Variants in PLCXD1 observed in about 807,000 individuals in gnomAD.
PLCXD1 encodes the protein PI-PLC X domain-containing protein 1.
A neutral mutation model predicts 37.8 loss-of-function variants in PLCXD1; 45 were observed. The ratio of observed to expected loss-of-function variants is 1.19; its 90% CI spans 0.94 to 1.53. The LOEUF is 1.53. Ranked by LOEUF, PLCXD1 falls within the 40% of genes most tolerant of loss-of-function variation. PLCXD1 has a pLI of 0.00. For missense variants in PLCXD1, 539 were observed against 454.7 expected, an observed-to-expected ratio of 1.19 and a Z score of -1.69; for synonymous variants, 246 against 206.9, an observed-to-expected ratio of 1.19 and a Z score of -1.62.
intron 6 of PLCXD1, among the ~76,000 whole-genome samples, chrX:295,396 T>A (rs2069771570): frequency 2.0e-5 from 3 of 152,088 alleles, no homozygotes; most frequent in South Asian, 2.1e-4. Context: ...CAAGGTGATC[T>A]TCACGGCCGC....
intron 2 of PLCXD1, 114 bp downstream of exon 2, chrX:284,428 T>A: frequency 8.4e-7 from 1 of 1,195,290 alleles, no homozygotes; most frequent in Non-Finnish European, 1.2e-6. Context: ...GGAGCAATCC[T>A]GGGTGTAGGG....
rs145415401 is a variant in PLCXD1, at chrX:299,143, C to T, written c.780C>T (p.Tyr260=). The T allele has an allele frequency of 1.7e-5, 28 of 1,613,890 alleles. No individual in the cohort carries two copies. Among genetic ancestry groups the T allele is most frequent in the Middle Eastern group, 3.3e-4 (2 of 6,056 alleles). ...TCAACCTCACGGAGAACCTGCAGTA[C>T]GTTCTGGCGCACCCGTCCGAGTCCC... ...AGINLTENLQ[Y]VLAHPSESLE... The change falls in exon 7 of 7, where the codon TAC becomes TAT. Residue 260 remains tyrosine (Y), a synonymous_variant. Transcript: ENST00000381657.
At chrX:282,529 A>AC in intron 1 of PLCXD1, among the ~76,000 whole-genome samples, 1 of 150,854 alleles carries the variant, frequency 6.6e-6, no homozygotes, top group East Asian at 2.0e-4. Context: ...AGATAGTGAA[A>AC]CCCCGTCTCT....
In PLCXD1 at chrX:302,489, G is replaced by T. The variant is rs2070048817; in HGVS notation, c.*3154G>T. The T allele has an allele frequency of 6.6e-6, 1 of 152,216 alleles. No individual in the cohort carries two copies. Among genetic ancestry groups the T allele is most frequent in the African/African-American group, 2.4e-5 (1 of 41,430 alleles). The allele number at this position is 152,216 out of a possible 1,614,324, so 9.4% of individuals were successfully genotyped here. On this transcript the variant is annotated 3_prime_UTR_variant, in exon 7 of 7. Coordinates refer to ENST00000381657, the MANE Select transcript of PLCXD1 (RefSeq NM_018390.4). ...GCTCACTGCAACCTCTGCCTCCCGG[G>T]TTCAAGTGATTCTCCTGCCTCAGCC...
At chrX:294,966 A>G (rs1174040494) in intron 6 of PLCXD1, among the ~76,000 whole-genome samples, 1 of 152,084 alleles carries the variant, frequency 6.6e-6, no homozygotes, top group Non-Finnish European at 1.5e-5. Context: ...AATTGAGATC[A>G]GGAGTTTGCG....
intron 6 of PLCXD1, among the ~76,000 whole-genome samples, chrX:295,361 C>A (rs2069770424): frequency 6.6e-6 from 1 of 151,914 alleles, no homozygotes; most frequent in Non-Finnish European, 1.5e-5. Flanking sequence ...CCGTCTCGGT[C>A]CTGCAGCCTG....
upstream of PLCXD1, among the ~76,000 whole-genome samples, chrX:280,018 T>A (rs2069229135): frequency 6.6e-6 from 1 of 152,038 alleles, no homozygotes; most frequent in Non-Finnish European, 1.5e-5. Context: ...CTAAATGATT[T>A]TTGTATTTTT....
chrX:291,563 G>C lies in PLCXD1; in HGVS notation c.458G>C (p.Cys153Ser). 3 of 1,613,134 alleles carry C rather than the reference G, an allele frequency of 1.9e-6. No individual in the cohort carries two copies. The highest frequency in any genetic ancestry group is 2.2e-5 in the East Asian group (1 of 44,874). The change falls in exon 5 of 7, where the codon TGC becomes TCC. Residue 153 changes from cysteine to serine, a missense_variant. Transcript: ENST00000381657. Reference protein sequence around the residue: ...RHPREVVILACRNFEGLSEDL... With the variant: ...RHPREVVILASRNFEGLSEDL... ...CCACGCGAGGTGGTCATCCTGGCCT[G>C]CAGAAACTTCGAGGGGCTGAGCGAG...
intron 2 of PLCXD1, among the ~76,000 whole-genome samples, chrX:287,422 T>C (rs1461318347): frequency 7.0e-6 from 1 of 142,248 alleles, no homozygotes; most frequent in African/African-American, 2.6e-5. Flanking sequence ...CTAATATATG[T>C]TTATATATAG....
At chrX:286,514 T>G (rs1446729337) in intron 2 of PLCXD1, among the ~76,000 whole-genome samples, 1 of 152,088 alleles carries the variant, frequency 6.6e-6, no homozygotes, top group African/African-American at 2.4e-5. Context: ...GGCCGGGAGC[T>G]TCGGCAGACT....
rs1455584817 is a variant in PLCXD1 at position 301,969 on chromosome X, CCCAGCCCAGTAGAG to C, written c.*2642_*2655del. 5.9e-5 allele frequency: 9 copies of C among 152,372 alleles called. No homozygotes were observed. The highest frequency in any genetic ancestry group is 2.2e-4 in the African/African-American group (9 of 41,458). The allele number at this position is 152,372 out of a possible 1,614,324, so 9.4% of individuals were successfully genotyped here. On this transcript the variant is annotated 3_prime_UTR_variant, in exon 7 of 7. Transcript: ENST00000381657. Reference sequence around the variant, plus strand: ...GGCCCTAAATCATTCCTGGCTGGGTCCCAGCCCAGTAGAGCCAGCCCCCCAGCCCGGAGTGCTAC... The same window carrying C: ...GGCCCTAAATCATTCCTGGCTGGGTCCCAGCCCCCCAGCCCGGAGTGCTAC...
In PLCXD1 at chrX:290,736, T is replaced by C; in HGVS notation, c.353T>C (p.Leu118Pro). 6.2e-7 allele frequency: 1 copy of C among 1,613,690 alleles called. No individual in the cohort carries two copies. Among genetic ancestry groups the C allele is most frequent in the African/African-American group, 1.3e-5 (1 of 74,928 alleles). The part of the protein sequence containing the change: ...AHMLEGSEKN[L>P]HFVHMVYTTA... ...ATGCTGGAGGGCTCGGAGAAGAACCTGCACTTTGTCCATATGGTGTACACA... is the reference window on the plus strand; with the variant it reads ...ATGCTGGAGGGCTCGGAGAAGAACCCGCACTTTGTCCATATGGTGTACACA... Residue 118 changes from leucine to proline, a missense_variant, in exon 4 of 7, where the codon CTG becomes CCG. Physicochemically the swap from Leu to Pro is moderately conservative, Grantham distance 98. Transcript: ENST00000381657.
chrX:278,738 C>CA (rs549455644), upstream of PLCXD1, among the ~76,000 whole-genome samples: 2,416 of 102,794 alleles, frequency 0.024, 128 homozygotes, highest in African/African-American at 0.085. Context: ...GACTCCGTCT[C>CA]AAAAAAAAAA....
At chrX:294,435 TC>T (rs2069739778) in intron 6 of PLCXD1, among the ~76,000 whole-genome samples, 1 of 147,728 alleles carries the variant, frequency 6.8e-6, no homozygotes, top group Non-Finnish European at 1.5e-5. Context: ...TGAGCCGAGA[TC>T]ACGCCACTGA....
In PLCXD1 at chrX:302,966, C is replaced by T. The variant is rs760045086; in HGVS notation, c.*3631C>T. 199 of 151,890 alleles carry T rather than the reference C, an allele frequency of 1.3e-3. 1 individual carries two copies. The highest frequency in any genetic ancestry group is 4.2e-3 in the African/African-American group (172 of 41,160). 9.4% of individuals were successfully genotyped at this position (151,890 alleles called of 1,614,324 possible). ...CCAGCACCATTTTTACTCCCCTTTC[C>T]CAAGCAAATCGTGCATTTTTGTCTA... is the stretch of plus-strand genomic sequence containing the variant. On this transcript the variant is annotated 3_prime_UTR_variant, in exon 7 of 7. Coordinates refer to ENST00000381657, the MANE Select transcript of PLCXD1 (RefSeq NM_018390.4).
chrX:299,189 A>C lies in PLCXD1; in HGVS notation c.826A>C (p.Asn276His). The C allele has an allele frequency of 6.2e-7, 1 of 1,613,888 alleles. No individual in the cohort carries two copies. The highest frequency in any genetic ancestry group is 8.5e-7 in the Non-Finnish European group (1 of 1,179,838). ...GTCCCTGGAGAAGATGACGCTGCCC[A>C]ACCTTCCGCGGCTGAGCGCGTGGGT... ...SESLEKMTLP[N>H]LPRLSAWVRE... is the part of the protein sequence containing the mutation. The change falls in exon 7 of 7, where the codon AAC becomes CAC. Residue 276 changes from asparagine to histidine, a missense_variant. Asn to His is a moderately conservative substitution (Grantham distance 68, BLOSUM62 1). Coordinates refer to ENST00000381657, the MANE Select transcript of PLCXD1 (RefSeq NM_018390.4).
intron 3 of PLCXD1, among the ~76,000 whole-genome samples, chrX:289,673 G>A (rs1402516196): frequency 3.3e-5 from 5 of 151,446 alleles, no homozygotes; most frequent in East Asian, 2.0e-4. Flanking sequence ...GACCACGCCC[G>A]GCTAATTTTT....
At chrX:295,617 C>T (rs34340520) in intron 6 of PLCXD1, among the ~76,000 whole-genome samples, 26,002 of 150,488 alleles carry the variant, frequency 0.17, 2,390 homozygotes, top group African/African-American at 0.22. Flanking sequence ...CTCCGTCTCC[C>T]GGGTTCAAGC....
chrX:295,980 A>ATTT (rs199721789), intron 6 of PLCXD1, among the ~76,000 whole-genome samples: 13,877 of 148,856 alleles, frequency 0.093, 686 homozygotes, highest in Non-Finnish European at 0.11. Context: ...CGCCCGGCTA[A>ATTT]TTTTTATTTT....
Sources: allele counts gnomAD v4.1 joint callset (sites outside exome capture counted in the v4.1 genomes callset), GRCh38; gene constraint gnomAD v4.1.1; transcripts MANE v1.5; gene names NCBI Gene and HGNC (gene_info 2026-07-23, HGNC 2026-07-21).